Variants in NKD1 observed in about 807,000 individuals in gnomAD.
NKD1 encodes the protein NKD inhibitor of Wnt signaling pathway 1, also known as protein naked cuticle homolog 1.
Under a neutral mutation model 56.0 loss-of-function variants are expected in NKD1, and 21 were observed. That is an observed-to-expected ratio of 0.38 (90% CI 0.27 to 0.54). The LOEUF is 0.54. Among genes scored for constraint, NKD1 ranks in the 20% least tolerant of loss-of-function variants. The pLI is 0.82. For synonymous variants in NKD1, 263 were observed against 265.7 expected, an observed-to-expected ratio of 0.99 and a Z score of 0.10; for missense variants, 578 against 642.7, an observed-to-expected ratio of 0.90 and a Z score of 1.09.
At chr16:50,603,405 G>A (rs1033138492) in intron 3 of NKD1, among the ~76,000 whole-genome samples, 5 of 152,200 alleles carry the variant, frequency 3.3e-5, no homozygotes, top group South Asian at 2.1e-4. Flanking sequence ...GAGAGAACTC[G>A]CCAGGAATTT....
At chr16:50,565,844 T>C (rs936540660) in intron 3 of NKD1, among the ~76,000 whole-genome samples, 1 of 152,224 alleles carries the variant, frequency 6.6e-6, no homozygotes, top group Non-Finnish European at 1.5e-5. Flanking sequence ...TATAATCTTA[T>C]TGTTCTTCAT....
intron 6 of NKD1, among the ~76,000 whole-genome samples, chr16:50,626,144 C>G (rs775098439): frequency 6.6e-6 from 1 of 152,226 alleles, no homozygotes; most frequent in Non-Finnish European, 1.5e-5. Context: ...TCTTCCTTAT[C>G]CCTCTGCAGG....
Position 50,632,890 on chromosome 16 carries a change from C to G in NKD1, c.824-302C>G, listed in dbSNP as rs930475887. Among the ~76,000 whole-genome samples the G allele has an allele frequency of 3.3e-5, 5 of 152,166 alleles. No homozygotes were observed. Among genetic ancestry groups the G allele is most frequent in the African/African-American group, 1.2e-4 (5 of 41,422 alleles). Reference sequence around the variant, plus strand: ...ACTTCTGTATGTTTTTAGCAATATACTTAGAGTTCTTTCTTGCCCCAGTGA... The same window carrying G: ...ACTTCTGTATGTTTTTAGCAATATAGTTAGAGTTCTTTCTTGCCCCAGTGA... On this transcript the variant is annotated intron_variant, in intron 9 of 9. Coordinates refer to ENST00000268459, the MANE Select transcript of NKD1 (RefSeq NM_033119.5). This position sits in a 1 kb window ranked among gnomAD's most constrained non-coding sequence, Gnocchi z 4.1.
rs947361137 is a variant in NKD1 at position 50,633,865 on chromosome 16, T to C, written c.*84T>C. The C allele has an allele frequency of 3.1e-6, 2 of 637,224 alleles. No homozygotes were observed. The highest frequency in any genetic ancestry group is 3.7e-5 in the African/African-American group (2 of 53,388). 39.5% of individuals were successfully genotyped at this position (637,224 alleles called of 1,614,324 possible). A position where few individuals can be genotyped will look rare whatever the true frequency, so the allele number is the denominator to read the frequency against. On this transcript the variant is annotated 3_prime_UTR_variant, in exon 10 of 10. Transcript: ENST00000268459. The surrounding 1 kb of genome is among the most constrained non-coding windows in gnomAD (Gnocchi z 4.9). Reference sequence around the variant, plus strand: ...GCATTATTATTCTATTAATTATTGTTATTATGATGATTATTGTTATTAATA... The same window carrying C: ...GCATTATTATTCTATTAATTATTGTCATTATGATGATTATTGTTATTAATA...
chr16:50,625,905 C>G (rs1421972849), intron 6 of NKD1, among the ~76,000 whole-genome samples: 2 of 152,254 alleles, frequency 1.3e-5, no homozygotes, highest in Admixed American at 1.3e-4. Context: ...TAACCGAGTC[C>G]TGTCCTGCTT....
intron 3 of NKD1, chr16:50,558,174 T>C (rs1293288117): frequency 6.6e-6 from 1 of 152,260 alleles, no homozygotes; most frequent in African/African-American, 2.4e-5. Flanking sequence ...TGTTAACCAA[T>C]TAAAATTTTT....
intron 4 of NKD1, among the ~76,000 whole-genome samples, chr16:50,620,318 G>T (rs907687307): frequency 5.3e-5 from 8 of 152,236 alleles, no homozygotes; most frequent in Non-Finnish European, 1.2e-4. Context: ...TTGCAAAGCT[G>T]GGGTGTGTGA....
intron 3 of NKD1, among the ~76,000 whole-genome samples, chr16:50,559,711 G>A (rs1960581709): frequency 6.6e-6 from 1 of 152,130 alleles, no homozygotes. Flanking sequence ...GGTCAGGTTG[G>A]AAGAGGTAGG....
chr16:50,623,072 A>G lies in NKD1; in HGVS notation c.366+1364A>G, dbSNP rs1469068170. On this transcript the variant is annotated intron_variant, in intron 5 of 9. Transcript: ENST00000268459. The surrounding 1 kb of genome is among the most constrained non-coding windows in gnomAD (Gnocchi z 4.1). ...TGCACAGGGGAGCCTTTGGGGTGAG[A>G]AGGGCCTATCAGGCAGAGGGAGCTG... 6.6e-6 allele frequency among the ~76,000 whole-genome samples: 1 copy of G among 152,074 alleles called. No individual in the cohort carries two copies. Among genetic ancestry groups the G allele is most frequent in the African/African-American group, 2.4e-5 (1 of 41,422 alleles).
chr16:50,628,123 A>C (rs549201233), intron 6 of NKD1, among the ~76,000 whole-genome samples: 1 of 152,156 alleles, frequency 6.6e-6, no homozygotes, highest in African/African-American at 2.4e-5. Context: ...GGCCCCCACA[A>C]TTTCAATCTG....
rs1347613820 is a variant in NKD1 at position 50,621,708 on chromosome 16, A to G, written c.366A>G (p.Glu122=). The change falls in exon 5 of 10, where the codon GAA becomes GAG. Residue 122 remains glutamate, a splice_region_variant and synonymous_variant. Coordinates refer to ENST00000268459, the MANE Select transcript of NKD1 (RefSeq NM_033119.5). The stretch of plus-strand genomic sequence containing the variant: ...GCTCCAAGAAGCAGCTGAAGTTTGA[A>G]GTAAGTTTCCTTTTGGTGCTGGGTC... ...CPGSKKQLKF[E]ELQCDVSMEE... is the part of the protein sequence containing the mutation. The G allele has an allele frequency of 1.9e-6, 3 of 1,612,444 alleles. No homozygotes were observed. The Admixed American group carries it at 5.0e-5, about 27-fold the overall frequency.
chr16:50,628,881 C>T (rs76885845), intron 6 of NKD1, among the ~76,000 whole-genome samples: 3,366 of 152,082 alleles, frequency 0.022, 143 homozygotes, highest in African/African-American at 0.076. Flanking sequence ...GGTGAGGGCT[C>T]GCTTCCTGGC....
At chr16:50,558,046 A>G (rs1418406156) in intron 3 of NKD1, 3 of 152,240 alleles carry the variant, frequency 2.0e-5, no homozygotes, top group Non-Finnish European at 2.9e-5. Context: ...GTGCCACTCA[A>G]CCCCAGCCAA....
chr16:50,625,440 T>A, intron 5 of NKD1, 45 bp from the exon 6 acceptor site: 3 of 1,360,186 alleles, frequency 2.2e-6, no homozygotes, highest in South Asian at 2.3e-5. Flanking sequence ...CCAGTCAGTG[T>A]TGCCACAGAT....
At chr16:50,630,078 G>C (rs979218033) in intron 6 of NKD1, 108 bp from the exon 7 acceptor site, 1 of 998,468 alleles carries the variant, frequency 1.0e-6, no homozygotes. Flanking sequence ...TCTGCTTTGG[G>C]GCAGCCAGAG....
chr16:50,623,727 G>A lies in NKD1; in HGVS notation c.367-1758G>A, dbSNP rs1416309554. ...GCTGTCTTGGAAACAGGTAAGTGCT[G>A]TGTGTGTGTGTGTGTGTGTGTGTGT... On this transcript the variant is annotated intron_variant, in intron 5 of 9. Transcript: ENST00000268459. This position sits in a 1 kb window ranked among gnomAD's most constrained non-coding sequence, Gnocchi z 4.1. Among the ~76,000 whole-genome samples, 5 of 98,492 alleles carry A rather than the reference G, an allele frequency of 5.1e-5. No homozygotes were observed. Among genetic ancestry groups the A allele is most frequent in the Non-Finnish European group, 1.1e-4 (5 of 44,918 alleles). 64.6% of individuals were successfully genotyped at this position (98,492 alleles called of 152,430 possible).
chr16:50,551,550 G>A (rs1359434432), intron 3 of NKD1, among the ~76,000 whole-genome samples: 2 of 152,172 alleles, frequency 1.3e-5, no homozygotes, highest in Admixed American at 6.5e-5. Context: ...GGACCCAGAC[G>A]CCTGGGTTTT....
rs932464558 is a variant in NKD1, at chr16:50,630,268, G to A, written c.545G>A (p.Arg182Gln). Residue 182 changes from arginine (R) to glutamine (Q), a missense_variant, in exon 7 of 10, where the codon CGG (arginine) becomes CAG (glutamine). Coordinates refer to ENST00000268459, the MANE Select transcript of NKD1 (RefSeq NM_033119.5). ...TCCCCAACATCCAGCAAGATGCTGC[G>A]GGTAAAGCTCACCGTGGCCCCCGAT... ...NHSPTSSKML[R>Q]VKLTVAPDGS... The A allele has an allele frequency of 1.9e-5, 30 of 1,614,052 alleles. No individual in the cohort carries two copies. The highest frequency in any genetic ancestry group is 2.5e-5 in the Non-Finnish European group (29 of 1,180,034).
At chr16:50,627,593 G>A (rs189057291) in intron 6 of NKD1, among the ~76,000 whole-genome samples, 6 of 152,296 alleles carry the variant, frequency 3.9e-5, no homozygotes, top group East Asian at 1.9e-4. Flanking sequence ...TCCCTTCCAC[G>A]CCTTCTGAGT....
Sources: allele counts gnomAD v4.1 joint callset (sites outside exome capture counted in the v4.1 genomes callset), GRCh38; gene constraint gnomAD v4.1.1; non-coding constraint Gnocchi (gnomAD v3.1); transcripts MANE v1.5; gene names NCBI Gene and HGNC (gene_info 2026-07-23, HGNC 2026-07-21).